Variants in GAS2 observed in about 807,000 individuals in gnomAD.
The protein encoded by GAS2 is growth arrest-specific protein 2.
Under a neutral mutation model 37.5 loss-of-function variants are expected in GAS2, and 20 were observed. The observed-to-expected ratio is 0.53, with a 90% CI of 0.37 to 0.77. GAS2 has a LOEUF of 0.77. Ranked by LOEUF, GAS2 falls within the 30% of genes least tolerant of loss-of-function variation. GAS2 has a pLI of 0.00. For missense variants in GAS2, 336 were observed against 373.4 expected (o/e 0.90, Z 0.82); for synonymous variants, 144 against 132.2 (o/e 1.09, Z -0.61).
chr11:22,765,363 T>C (rs1184523521), intron 7 of GAS2, among the ~76,000 whole-genome samples: 1 of 152,234 alleles, frequency 6.6e-6, no homozygotes, highest in African/African-American at 2.4e-5. Context: ...GGATCTCAGG[T>C]TGATTTTTCT....
intron 7 of GAS2, among the ~76,000 whole-genome samples, chr11:22,810,695 A>G (rs956829546): frequency 1.3e-5 from 2 of 152,208 alleles, no homozygotes; most frequent in Middle Eastern, 3.2e-3. Context: ...ATACACATGG[A>G]GAAATTTTAG....
chr11:22,660,727 G>A (rs980076110), intron 1 of GAS2, among the ~76,000 whole-genome samples: 5 of 152,116 alleles, frequency 3.3e-5, no homozygotes, highest in Admixed American at 6.5e-5. Context: ...GATGGCTGGC[G>A]AAACTTCTTT....
In GAS2 at chr11:22,710,154, A is replaced by G. The variant is rs191394935; in HGVS notation, c.268-16138A>G. Among the ~76,000 whole-genome samples, 170 of 152,192 alleles carry G rather than the reference A, an allele frequency of 1.1e-3. 1 individual carries two copies. The highest frequency in any genetic ancestry group is 4.0e-3 in the African/African-American group (164 of 41,502). On this transcript the variant is annotated intron_variant, in intron 3 of 7. Transcript: ENST00000454584. The stretch of plus-strand genomic sequence containing the variant: ...TTGTGCACATGTACCCTAAAACTTA[A>G]AGTATAATAATAATTTAAAAAAGGA...
At chr11:22,685,929 T>G in intron 3 of GAS2, 140 bp downstream of exon 3, 1 of 631,734 alleles carries the variant, frequency 1.6e-6, no homozygotes, top group Non-Finnish European at 2.4e-6. Context: ...AGAGTTCTTT[T>G]TAATTAGGTA....
intron 7 of GAS2, among the ~76,000 whole-genome samples, chr11:22,799,541 T>C (rs1196220093): frequency 2.6e-5 from 4 of 152,100 alleles, no homozygotes; most frequent in Non-Finnish European, 4.4e-5. Context: ...CACTTTCTTA[T>C]GCAATTCCTG....
At chr11:22,746,838 C>A (rs573397445) in intron 5 of GAS2, among the ~76,000 whole-genome samples, 39 of 152,098 alleles carry the variant, frequency 2.6e-4, no homozygotes, top group Middle Eastern at 3.4e-3. Context: ...CACATGTACC[C>A]CTGAATCTAA....
At chr11:22,746,515 C>T (rs1853411278) in intron 5 of GAS2, among the ~76,000 whole-genome samples, 1 of 152,114 alleles carries the variant, frequency 6.6e-6, no homozygotes. Context: ...GAATACTATG[C>T]AGTCATAGAA....
intron 2 of GAS2, among the ~76,000 whole-genome samples, chr11:22,684,684 C>T (rs527457841): frequency 6.6e-6 from 1 of 152,168 alleles, no homozygotes; most frequent in Non-Finnish European, 1.5e-5. Context: ...CTCACCTCAG[C>T]CTCCCGAGTA....
chr11:22,695,330 A>C (rs1412297756), intron 3 of GAS2, among the ~76,000 whole-genome samples: 1 of 152,048 alleles, frequency 6.6e-6, no homozygotes, highest in Non-Finnish European at 1.5e-5. Context: ...AAAAAGAAAA[A>C]AAAAAGACTC....
chr11:22,790,378 A>C (rs560004544), intron 7 of GAS2, among the ~76,000 whole-genome samples: 1 of 152,194 alleles, frequency 6.6e-6, no homozygotes, highest in South Asian at 2.1e-4. Flanking sequence ...ATAGTGAACT[A>C]CTCAGTGCTG....
intron 5 of GAS2, among the ~76,000 whole-genome samples, chr11:22,748,413 A>G (rs1853533402): frequency 6.6e-6 from 1 of 152,104 alleles, no homozygotes; most frequent in Non-Finnish European, 1.5e-5. Flanking sequence ...AAAGAAATAT[A>G]TGATTACAGG....
intron 3 of GAS2, among the ~76,000 whole-genome samples, chr11:22,707,432 G>A (rs1310877056): frequency 2.0e-5 from 3 of 152,160 alleles, no homozygotes; most frequent in African/African-American, 7.2e-5. Flanking sequence ...TATTTCAGTT[G>A]TAAGCTGTTA....
intron 7 of GAS2, among the ~76,000 whole-genome samples, chr11:22,785,608 A>G (rs1053188708): frequency 2.2e-4 from 33 of 152,280 alleles, no homozygotes; most frequent in African/African-American, 7.7e-4. Context: ...TATGCAGATT[A>G]CAAGTTTTGT....
chr11:22,757,594 G>T (rs1408202331), intron 7 of GAS2, among the ~76,000 whole-genome samples: 1 of 152,116 alleles, frequency 6.6e-6, no homozygotes, highest in African/African-American at 2.4e-5. Flanking sequence ...ATGCTATTAT[G>T]ACATGTTTTA....
chr11:22,673,352 A>G (rs1226781187), intron 1 of GAS2, among the ~76,000 whole-genome samples: 1 of 152,228 alleles, frequency 6.6e-6, no homozygotes, highest in Non-Finnish European at 1.5e-5. Flanking sequence ...CCAAAAGGAG[A>G]ATATATTACT....
chr11:22,774,412 A>T (rs182582705), intron 7 of GAS2, among the ~76,000 whole-genome samples: 1 of 152,362 alleles, frequency 6.6e-6, no homozygotes. Flanking sequence ...CAAATGACTT[A>T]TCTTCAAACA....
chr11:22,708,782 T>C (rs1210699602), intron 3 of GAS2, among the ~76,000 whole-genome samples: 2 of 152,198 alleles, frequency 1.3e-5, no homozygotes, highest in Non-Finnish European at 2.9e-5. Context: ...GGAAAGATAG[T>C]TGTTAATCAG....
intron 3 of GAS2, among the ~76,000 whole-genome samples, chr11:22,706,350 A>T (rs560127154): frequency 1.3e-5 from 2 of 151,420 alleles, no homozygotes; most frequent in Non-Finnish European, 1.5e-5. Context: ...TTTTATTATT[A>T]TACTTTAAGT....
At chr11:22,724,385 T>C (rs1281355261) in intron 3 of GAS2, among the ~76,000 whole-genome samples, 2 of 152,140 alleles carry the variant, frequency 1.3e-5, no homozygotes, top group East Asian at 1.9e-4. Context: ...ATTCAATCAG[T>C]GTTGCAACAA....
Sources: allele counts gnomAD v4.1 joint callset (sites outside exome capture counted in the v4.1 genomes callset), GRCh38; gene constraint gnomAD v4.1.1; transcripts MANE v1.5; gene names NCBI Gene and HGNC (gene_info 2026-07-23, HGNC 2026-07-21).